The following CAST variants were observed in gnomAD, a reference collection of about 807,000 sequenced individuals.
CAST encodes calpastatin.
Under a neutral mutation model 119.6 loss-of-function variants are expected in CAST, and 76 were observed. The ratio of observed to expected loss-of-function variants is 0.64; its 90% CI spans 0.53 to 0.77. The LOEUF (loss-of-function observed/expected upper bound fraction) is 0.77. CAST is among the 30% of genes least tolerant of loss of function. The pLI is 0.00. For synonymous variants in CAST, 319 were observed against 331.6 expected (o/e 0.96, Z 0.41); for missense variants, 953 against 946.5 (o/e 1.01, Z -0.09).
At chr5:96,658,860 A>G (rs1748201088), upstream of CAST, among the ~76,000 whole-genome samples, 1 of 152,206 alleles carries the variant, frequency 6.6e-6, no homozygotes, top group Non-Finnish European at 1.5e-5. Flanking sequence ...TGGGATTTAA[A>G]CATAGTTGTG....
At chr5:96,212,386 G>GCA in the CAST span, among the ~76,000 whole-genome samples, 1 of 152,070 alleles carries the variant, frequency 6.6e-6, no homozygotes, top group Non-Finnish European at 1.5e-5. Context: ...ATTTAGAAAT[G>GCA]CATTGTTTAT....
At chr5:96,130,994 A>G in the CAST span, among the ~76,000 whole-genome samples, 1 of 152,116 alleles carries the variant, frequency 6.6e-6, no homozygotes, top group East Asian at 1.9e-4. Context: ...AAACATACAT[A>G]CACCTTTATC....
chr5:96,029,162 G>T, the CAST span, among the ~76,000 whole-genome samples: 1 of 152,106 alleles, frequency 6.6e-6, no homozygotes, highest in Non-Finnish European at 1.5e-5. Context: ...TGGGAATACT[G>T]ATGAAATGCT....
chr5:96,684,977 AT>A (rs1751901329), intron 2 of CAST, among the ~76,000 whole-genome samples: 1 of 150,496 alleles, frequency 6.6e-6, no homozygotes, highest in South Asian at 2.1e-4. Context: ...GATATACAAA[AT>A]GTTGTATCAT....
At chr5:96,621,969 C>CTTTTTCTCT (rs1747617492) in intron 1 of CAST, among the ~76,000 whole-genome samples, 1 of 113,702 alleles carries the variant, frequency 8.8e-6, no homozygotes, top group Non-Finnish European at 1.7e-5. Context: ...CTTTTTTTCT[C>CTTTTTCTCT]TTTTTTTTTT....
chr5:96,070,857 C>T, the CAST span, among the ~76,000 whole-genome samples: 2 of 152,138 alleles, frequency 1.3e-5, no homozygotes, highest in African/African-American at 4.8e-5. Flanking sequence ...CCCAGAAGGG[C>T]AGGTGGAAGA....
the CAST span, among the ~76,000 whole-genome samples, chr5:96,513,751 CTTAT>C: frequency 6.6e-6 from 1 of 152,114 alleles, no homozygotes; most frequent in African/African-American, 2.4e-5. Context: ...AAAATCTTAG[CTTAT>C]TTGTTTCCTA....
At chr5:96,556,544 G>A (rs891184699) in intron 1 of CAST, among the ~76,000 whole-genome samples, 3 of 152,192 alleles carry the variant, frequency 2.0e-5, no homozygotes, top group Non-Finnish European at 2.9e-5. Context: ...ACCACAGCAC[G>A]AGAACTATGT....
chr5:96,364,428 A>G, the CAST span, among the ~76,000 whole-genome samples: 6 of 151,502 alleles, frequency 4.0e-5, no homozygotes, highest in Non-Finnish European at 7.4e-5. Context: ...TTCTTGTAGA[A>G]TTCGGCTGTG....
the CAST span, among the ~76,000 whole-genome samples, chr5:96,256,369 TAA>T: frequency 3.9e-5 from 4 of 102,598 alleles, no homozygotes; most frequent in Non-Finnish European, 7.4e-5. Flanking sequence ...AAATATACAG[TAA>T]TATATATATA....
the CAST span, among the ~76,000 whole-genome samples, chr5:96,025,309 C>T: frequency 6.6e-6 from 1 of 152,150 alleles, no homozygotes; most frequent in Non-Finnish European, 1.5e-5. Context: ...CTCTTATCCT[C>T]ACCTGGTGGG....
upstream of CAST, among the ~76,000 whole-genome samples, chr5:96,528,177 A>G (rs1050298449): frequency 2.6e-5 from 4 of 152,300 alleles, no homozygotes; most frequent in African/African-American, 9.6e-5. Flanking sequence ...TACAGCTAGG[A>G]ATTGGCAGAG....
chr5:96,709,455 C>A (rs932975575), intron 3 of CAST, among the ~76,000 whole-genome samples: 1 of 152,184 alleles, frequency 6.6e-6, no homozygotes, highest in African/African-American at 2.4e-5. Flanking sequence ...GGGAATTTCT[C>A]TTCTTTAAAG....
chr5:96,511,070 C>G, the CAST span, among the ~76,000 whole-genome samples: 4 of 152,198 alleles, frequency 2.6e-5, no homozygotes, highest in African/African-American at 9.7e-5. Context: ...CCTCCCATAG[C>G]CTTTGTGTTT....
intron 1 of CAST, among the ~76,000 whole-genome samples, chr5:96,651,127 T>C (rs951925623): frequency 6.6e-6 from 1 of 152,118 alleles, no homozygotes; most frequent in Admixed American, 6.5e-5. Flanking sequence ...TTTAGGGAAA[T>C]GATGCTGCCG....
At chr5:96,245,309 C>A in the CAST span, among the ~76,000 whole-genome samples, 1 of 152,128 alleles carries the variant, frequency 6.6e-6, no homozygotes, top group African/African-American at 2.4e-5. Context: ...GATAAATAAC[C>A]ACAATACTAG....
chr5:96,753,614 G>T (rs780696952), intron 20 of CAST, among the ~76,000 whole-genome samples: 2 of 152,166 alleles, frequency 1.3e-5, no homozygotes, highest in South Asian at 2.1e-4. Flanking sequence ...ACAGGCTTCC[G>T]AGCCTCCTCT....
At chr5:96,342,213 C>T in the CAST span, among the ~76,000 whole-genome samples, 2 of 152,226 alleles carry the variant, frequency 1.3e-5, no homozygotes, top group Admixed American at 1.3e-4. Flanking sequence ...ATGGGAAGAG[C>T]CTGGAAGTTT....
At chr5:96,095,347 GC>G in the CAST span, among the ~76,000 whole-genome samples, 6 of 151,822 alleles carry the variant, frequency 4.0e-5, no homozygotes, top group African/African-American at 1.5e-4. Flanking sequence ...ACTTTAGGAG[GC>G]CCAGGTGAGA....
Sources: allele counts gnomAD v4.1 joint callset (sites outside exome capture counted in the v4.1 genomes callset), GRCh38; gene constraint gnomAD v4.1.1; transcripts MANE v1.5; gene names NCBI Gene and HGNC (gene_info 2026-07-23, HGNC 2026-07-21).